The following C10orf67 variants were observed in gnomAD, a reference collection of about 807,000 sequenced individuals.
C10orf67 encodes the protein chromosome 10 open reading frame 67, also known as uncharacterized protein C10orf67, mitochondrial.
A neutral mutation model predicts 35.6 loss-of-function variants in C10orf67; 60 were observed. The observed-to-expected ratio is 1.68, with a 90% CI of 1.37 to 2.09. C10orf67 has a LOEUF of 2.09. C10orf67 is among the 30% of genes most tolerant of loss of function. The pLI is 0.00. For missense variants in C10orf67, 474 were observed against 330.2 expected, an observed-to-expected ratio of 1.44 and a Z score of -3.38; for synonymous variants, 167 against 115.8, an observed-to-expected ratio of 1.44 and a Z score of -2.84.
chr10:23,328,890 C>G (rs532721648), intron 2 of C10orf67, among the ~76,000 whole-genome samples: 13 of 148,974 alleles, frequency 8.7e-5, no homozygotes, highest in African/African-American at 3.2e-4. Context: ...GTGGCTGAGG[C>G]AGGAGGATCA....
In C10orf67 at chr10:23,331,253, A is replaced by C. The variant is rs1271650807; in HGVS notation, c.327+1809T>G. On this transcript the variant is annotated intron_variant, in intron 2 of 15. Transcript: ENST00000636213. ...AGGAGGGAAGGGAAGGGAAGGGAAGAGGGAAGGGAAGGGAAGAGGGAAGGG... is the reference window on the plus strand; with the variant it reads ...AGGAGGGAAGGGAAGGGAAGGGAAGCGGGAAGGGAAGGGAAGAGGGAAGGG... Among the ~76,000 whole-genome samples the C allele has an allele frequency of 3.8e-3, 10 of 2,630 alleles. 1 individual carries two copies. Among genetic ancestry groups the C allele is most frequent in the South Asian group, 0.015 (1 of 66 alleles). The allele number at this position is 2,630 out of a possible 152,430, so 1.7% of individuals were successfully genotyped here.
intron 13 of C10orf67, among the ~76,000 whole-genome samples, chr10:23,226,085 A>G (rs941554844): frequency 3.4e-4 from 52 of 152,316 alleles, no homozygotes; most frequent in East Asian, 5.8e-4. Flanking sequence ...TGCACCAAGC[A>G]GACCTAATAG....
At chr10:23,256,308 A>G (rs1432066362) in intron 10 of C10orf67, among the ~76,000 whole-genome samples, 2 of 152,158 alleles carry the variant, frequency 1.3e-5, no homozygotes, top group African/African-American at 2.4e-5. Flanking sequence ...CTGGCCCTGT[A>G]TCCATTTTAT....
Position 23,273,077 on chromosome 10 carries a change from T to G in C10orf67, c.976-5823A>C, listed in dbSNP as rs113696937. On this transcript the variant is annotated intron_variant, in intron 8 of 15. Transcript: ENST00000636213. ...TCACTTATTAATTCTAGTAGCTATT[T>G]TTGTAGATTTGTTAGGATTTCCTAT... Among the ~76,000 whole-genome samples, 965 of 152,340 alleles carry G rather than the reference T, an allele frequency of 6.3e-3. 15 individuals carry two copies. Among genetic ancestry groups the G allele is most frequent in the African/African-American group, 0.022 (925 of 41,572 alleles).
At position 23,230,894 on chromosome 10, in the gene C10orf67, T is replaced by C. The variant is rs189172541; in HGVS notation, c.1435-7076A>G. ...GTTCCTGGTTAGAGGGTCAGAGTAA[T>C]ATTACTTTGGAAAACTATCTGGCAT... On this transcript the variant is annotated intron_variant, in intron 13 of 15. Coordinates refer to ENST00000636213, the MANE Select transcript of C10orf67 (RefSeq NM_001371909.1). Among the ~76,000 whole-genome samples, 788 of 152,314 alleles carry C rather than the reference T, an allele frequency of 5.2e-3. 42 individuals carry two copies. Among genetic ancestry groups the C allele is most frequent in the Admixed American group, 0.05 (759 of 15,302 alleles).
intron 10 of C10orf67, among the ~76,000 whole-genome samples, chr10:23,261,238 T>TAC (rs149725484): frequency 1.3e-4 from 20 of 151,868 alleles, no homozygotes; most frequent in Admixed American, 5.9e-4. Context: ...AATACCTGCA[T>TAC]ACACACACAC....
At chr10:23,284,611 A>T (rs1203756311) in intron 7 of C10orf67, among the ~76,000 whole-genome samples, 1 of 152,104 alleles carries the variant, frequency 6.6e-6, no homozygotes, top group Non-Finnish European at 1.5e-5. Context: ...GAATTGCTTG[A>T]GCCCAGGAAG....
intron 8 of C10orf67, among the ~76,000 whole-genome samples, chr10:23,273,326 C>G (rs371478289): frequency 3.3e-5 from 5 of 152,184 alleles, no homozygotes; most frequent in African/African-American, 1.2e-4. Context: ...TCGTAGATAT[C>G]GCCTATCAGC....
chr10:23,341,622 G>A (rs1845887595), intron 1 of C10orf67, among the ~76,000 whole-genome samples: 1 of 152,062 alleles, frequency 6.6e-6, no homozygotes, highest in African/African-American at 2.4e-5. Flanking sequence ...AGTCCTTAAG[G>A]TAGTCTAAAG....
chr10:23,279,382 G>A (rs1269017117), intron 8 of C10orf67, among the ~76,000 whole-genome samples: 1 of 152,220 alleles, frequency 6.6e-6, no homozygotes, highest in African/African-American at 2.4e-5. Context: ...CTAACTGGAT[G>A]GCCAAATACT....
chr10:23,225,060 A>G (rs1033791312), intron 13 of C10orf67, among the ~76,000 whole-genome samples: 26 of 152,204 alleles, frequency 1.7e-4, no homozygotes, highest in African/African-American at 5.8e-4. Flanking sequence ...TCCAAGACAC[A>G]TAATAGTCAG....
At chr10:23,291,914 G>T (rs1039744170) in intron 5 of C10orf67, among the ~76,000 whole-genome samples, 2 of 152,086 alleles carry the variant, frequency 1.3e-5, no homozygotes, top group Non-Finnish European at 2.9e-5. Context: ...TTGCATGCTT[G>T]TCACACGGGG....
intron 7 of C10orf67, among the ~76,000 whole-genome samples, chr10:23,286,844 C>G (rs1481616110): frequency 6.6e-6 from 1 of 152,136 alleles, no homozygotes. Flanking sequence ...TTGTGAAAAT[C>G]TGTGAGGGAT....
intron 1 of C10orf67, among the ~76,000 whole-genome samples, chr10:23,338,358 A>C (rs1401001382): frequency 6.6e-6 from 1 of 152,300 alleles, no homozygotes; most frequent in South Asian, 2.1e-4. Context: ...ACTAGTCAAC[A>C]GCAGAGATCA....
chr10:23,312,809 C>T (rs1170883604), intron 4 of C10orf67, among the ~76,000 whole-genome samples: 5 of 152,120 alleles, frequency 3.3e-5, no homozygotes, highest in Non-Finnish European at 7.4e-5. Context: ...GCAGATTACC[C>T]TTCATACTTC....
chr10:23,341,188 A>G (rs1426877285), intron 1 of C10orf67, among the ~76,000 whole-genome samples: 2 of 152,216 alleles, frequency 1.3e-5, no homozygotes, highest in Non-Finnish European at 2.9e-5. Context: ...CTTTGTGCTA[A>G]TTATTTCCAA....
chr10:23,257,530 C>T (rs1332188339), intron 10 of C10orf67, among the ~76,000 whole-genome samples: 1 of 152,158 alleles, frequency 6.6e-6, no homozygotes, highest in African/African-American at 2.4e-5. Context: ...TTGCCTGGTG[C>T]AGTGGCTTAC....
chr10:23,263,324 G>A (rs1033546327), intron 10 of C10orf67, among the ~76,000 whole-genome samples: 3 of 152,020 alleles, frequency 2.0e-5, no homozygotes, highest in Non-Finnish European at 2.9e-5. Context: ...CAGAAGAAAA[G>A]ATCTTTTCTT....
chr10:23,204,141 G>T lies in C10orf67; in HGVS notation c.*32C>A. 2.0e-6 allele frequency: 1 copy of T among 491,282 alleles called. No homozygotes were observed. Among genetic ancestry groups the T allele is most frequent in the Non-Finnish European group, 3.8e-6 (1 of 266,162 alleles). The allele number at this position is 491,282 out of a possible 1,614,324, so 30.4% of individuals were successfully genotyped here. The stretch of plus-strand genomic sequence containing the variant: ...GGACGGCGAGGCCACTCTTTCTGAG[G>T]CCCCGTCTGCGCAGCCCAGGCTTCT... On this transcript the variant is annotated 3_prime_UTR_variant, in exon 16 of 16. Coordinates refer to ENST00000636213, the MANE Select transcript of C10orf67 (RefSeq NM_001371909.1).
Sources: allele counts gnomAD v4.1 joint callset (sites outside exome capture counted in the v4.1 genomes callset), GRCh38; gene constraint gnomAD v4.1.1; transcripts MANE v1.5; gene names NCBI Gene and HGNC (gene_info 2026-07-23, HGNC 2026-07-21).